Variants in BRI3BP observed in about 807,000 individuals in gnomAD.
BRI3BP encodes the protein BRI3 binding protein, also known as BRI3-binding protein.
BRI3BP carries 7 observed loss-of-function variants against 15.8 expected under a neutral mutation model. The observed-to-expected ratio is 0.44, with a 90% CI of 0.25 to 0.83. BRI3BP has a LOEUF of 0.83. BRI3BP is among the 40% of genes least tolerant of loss of function. BRI3BP has a pLI of 0.20. For missense variants in BRI3BP, 320 were observed against 339.3 expected (o/e 0.94, Z 0.45); for synonymous variants, 192 against 163.5 (o/e 1.17, Z -1.33).
intron 1 of BRI3BP, among the ~76,000 whole-genome samples, chr12:125,010,770 CAAATA>C (rs1955190011): frequency 6.6e-6 from 1 of 151,196 alleles, no homozygotes; most frequent in African/African-American, 2.4e-5. Context: ...AGCGAGACTC[CAAATA>C]AAATAAAATT....
At position 125,025,141 on chromosome 12, in the gene BRI3BP, GCTT is replaced by G. The variant is rs770535888; in HGVS notation, c.473_475del (p.Phe158del). ...AGCGTCCTGCACGTGGTGTTCGGCC[GCTT>G]CTTCTGGATCGTGCGGGTCGTCCTG... is the stretch of plus-strand genomic sequence containing the variant. On this transcript the variant is annotated inframe_deletion, in exon 3 of 3. Transcript: ENST00000341446. 1 of 1,613,930 alleles carries G rather than the reference GCTT, an allele frequency of 6.2e-7. No individual in the cohort carries two copies. Among genetic ancestry groups the G allele is most frequent in the African/African-American group, 1.3e-5 (1 of 74,922 alleles).
chr12:125,035,485 C>T (rs888464029), downstream of BRI3BP, among the ~76,000 whole-genome samples: 3 of 151,890 alleles, frequency 2.0e-5, no homozygotes, highest in African/African-American at 7.3e-5. Context: ...CCTTGACCTC[C>T]CAGGCTCAGG....
chr12:125,024,016 A>G (rs1222535879), intron 2 of BRI3BP, among the ~76,000 whole-genome samples: 1 of 152,222 alleles, frequency 6.6e-6, no homozygotes, highest in Non-Finnish European at 1.5e-5. Context: ...GGTTGCAACG[A>G]GCCAAGATTG....
chr12:125,017,398 G>A (rs984408280), intron 2 of BRI3BP, among the ~76,000 whole-genome samples: 3 of 151,130 alleles, frequency 2.0e-5, no homozygotes, highest in Non-Finnish European at 4.4e-5. Flanking sequence ...CCAGTGATCT[G>A]CCTGCCTTGG....
At chr12:125,024,754 A>G (rs1955333892) in intron 2 of BRI3BP, among the ~76,000 whole-genome samples, 1 of 151,824 alleles carries the variant, frequency 6.6e-6, no homozygotes, top group Admixed American at 6.6e-5. Flanking sequence ...AGCCGAGATC[A>G]CACCATTGCA....
At chr12:125,019,462 C>T (rs181805289) in intron 2 of BRI3BP, among the ~76,000 whole-genome samples, 3 of 151,950 alleles carry the variant, frequency 2.0e-5, no homozygotes, top group Non-Finnish European at 4.4e-5. Flanking sequence ...TCCCTGAGAC[C>T]CTTTTGGTTA....
chr12:125,035,534 C>T (rs1594544145), downstream of BRI3BP, among the ~76,000 whole-genome samples: 1 of 151,870 alleles, frequency 6.6e-6, no homozygotes, highest in South Asian at 2.1e-4. Context: ...AGTGGGACTA[C>T]AGGTGTGTGC....
In BRI3BP at chr12:124,993,901, CCGCGGCGG is replaced by C; in HGVS notation, c.117_124del (p.Gly40GlufsTer36). The C allele has an allele frequency of 7.9e-7, 1 of 1,272,194 alleles. No individual in the cohort carries two copies. The highest frequency in any genetic ancestry group is 1.0e-6 in the Non-Finnish European group (1 of 1,001,770). 78.8% of individuals were successfully genotyped at this position (1,272,194 alleles called of 1,614,324 possible). A position where few individuals can be genotyped will look rare whatever the true frequency, so the allele number is the denominator to read the frequency against. Reference sequence around the variant, plus strand: ...CCCCGGGCGCGCAGGGGGCGCGGGGCCGCGGCGGCGCGGAGAAGAACAGCTACCGCCGC... The same window carrying C: ...CCCCGGGCGCGCAGGGGGCGCGGGGCCGCGGAGAAGAACAGCTACCGCCGC... On this transcript the variant is annotated frameshift_variant, in exon 1 of 3. Coordinates refer to ENST00000341446, the MANE Select transcript of BRI3BP (RefSeq NM_080626.6). LOFTEE classifies it high-confidence loss of function.
rs1472513910 is a variant in BRI3BP at position 125,028,110 on chromosome 12, G to T, written c.*2680G>T. On this transcript the variant is annotated 3_prime_UTR_variant, in exon 3 of 3. Coordinates refer to ENST00000341446, the MANE Select transcript of BRI3BP (RefSeq NM_080626.6). ...GCACAAGGTATAAATAACTCGGGAG[G>T]TCATCTCTATCTTCTTTCCTTTTGT... is the stretch of plus-strand genomic sequence containing the variant. 1 of 152,230 alleles carries T rather than the reference G, an allele frequency of 6.6e-6. No individual in the cohort carries two copies. Among genetic ancestry groups the T allele is most frequent in the Non-Finnish European group, 1.5e-5 (1 of 68,046 alleles). The allele number at this position is 152,230 out of a possible 1,614,324, so 9.4% of individuals were successfully genotyped here. A position where few individuals can be genotyped will look rare whatever the true frequency, so the allele number is the denominator to read the frequency against.
intron 1 of BRI3BP, among the ~76,000 whole-genome samples, chr12:125,008,299 CTTTTTTTTTT>C (rs55697100): frequency 5.0e-5 from 5 of 99,944 alleles, no homozygotes; most frequent in Non-Finnish European, 9.2e-5. Context: ...CCTCTTCTTT[CTTTTTTTTTT>C]TTTTTTTTTT....
intron 2 of BRI3BP, among the ~76,000 whole-genome samples, chr12:125,017,788 G>A (rs951984191): frequency 1.3e-5 from 2 of 152,140 alleles, no homozygotes; most frequent in Non-Finnish European, 2.9e-5. Flanking sequence ...TTCCAACAAA[G>A]TTTCCAGTAA....
At chr12:125,011,592 G>A (rs1327446954) in intron 1 of BRI3BP, among the ~76,000 whole-genome samples, 1 of 152,130 alleles carries the variant, frequency 6.6e-6, no homozygotes, top group Non-Finnish European at 1.5e-5. Context: ...TATTCACCTG[G>A]CACGTCTAAG....
At position 125,004,179 on chromosome 12, in the gene BRI3BP, T is replaced by A. The variant is rs187990521; in HGVS notation, c.214-8355T>A. The stretch of plus-strand genomic sequence containing the variant: ...TCTTTTTTAAATTTTTAAATTTTTT[T>A]AAAATTTTTTTGAGACAAGGTCTTG... On this transcript the variant is annotated intron_variant, in intron 1 of 2. Coordinates refer to ENST00000341446, the MANE Select transcript of BRI3BP (RefSeq NM_080626.6). Among the ~76,000 whole-genome samples, 931 of 152,330 alleles carry A rather than the reference T, an allele frequency of 6.1e-3. 11 individuals carry two copies. The highest frequency in any genetic ancestry group is 0.043 in the South Asian group (206 of 4,824).
intron 1 of BRI3BP, among the ~76,000 whole-genome samples, chr12:125,005,915 C>T (rs1235343142): frequency 6.6e-6 from 1 of 152,148 alleles, no homozygotes; most frequent in Non-Finnish European, 1.5e-5. Flanking sequence ...GCCTAAACAG[C>T]AGACATACAT....
In BRI3BP at chr12:124,993,859, G is replaced by T; in HGVS notation, c.69G>T (p.Leu23=). The change falls in exon 1 of 3, where the codon CTG becomes CTT. Residue 23 remains leucine, a synonymous_variant. Coordinates refer to ENST00000341446, the MANE Select transcript of BRI3BP (RefSeq NM_080626.6). The part of the protein sequence containing the change: ...AGLLLLLLLL[L]LLGLLAPGAQ... ...TCCTGCTGCTGCTGCTGCTGCTGCT[G>T]CTGCTCGGGCTGCTGGCCCCGGGCG... 2.5e-6 allele frequency: 3 copies of T among 1,215,770 alleles called. No homozygotes were observed. Among genetic ancestry groups the T allele is most frequent in the East Asian group, 3.8e-5 (1 of 26,324 alleles). 75.3% of individuals were successfully genotyped at this position (1,215,770 alleles called of 1,614,324 possible). A position where few individuals can be genotyped will look rare whatever the true frequency, so the allele number is the denominator to read the frequency against.
chr12:125,002,405 G>A (rs1004700167), intron 1 of BRI3BP, among the ~76,000 whole-genome samples: 17 of 150,330 alleles, frequency 1.1e-4, no homozygotes, highest in Non-Finnish European at 2.5e-4. Context: ...CTTGGCAGAC[G>A]TGAAGTAGTA....
chr12:125,051,000 C>A, the BRI3BP span, among the ~76,000 whole-genome samples: 1 of 152,184 alleles, frequency 6.6e-6, no homozygotes, highest in East Asian at 1.9e-4. Flanking sequence ...GAAGAGAGAA[C>A]TTCACACTTA....
At chr12:125,015,938 G>T (rs369767798) in intron 2 of BRI3BP, among the ~76,000 whole-genome samples, 1 of 141,780 alleles carries the variant, frequency 7.1e-6, no homozygotes, top group Admixed American at 7.3e-5. Context: ...CCACCTGCCC[G>T]GATTGTCAAA....
At chr12:125,016,827 T>G (rs1409434938) in intron 2 of BRI3BP, among the ~76,000 whole-genome samples, 4 of 13,166 alleles carry the variant, frequency 3.0e-4, no homozygotes, top group African/African-American at 8.1e-4. Context: ...CGCCCAGCCT[T>G]TTTTTTTTTT....
Sources: allele counts gnomAD v4.1 joint callset (sites outside exome capture counted in the v4.1 genomes callset), GRCh38; gene constraint gnomAD v4.1.1; transcripts MANE v1.5; gene names NCBI Gene and HGNC (gene_info 2026-07-23, HGNC 2026-07-21).